CEP128: variants seen among roughly 807,000 people sequenced by gnomAD.
CEP128 encodes the protein centrosomal protein 128kDa.
A neutral mutation model predicts 156.7 loss-of-function variants in CEP128; 132 were observed. The ratio of observed to expected loss-of-function variants is 0.84; its 90% CI spans 0.73 to 0.97. The LOEUF (loss-of-function observed/expected upper bound fraction) is 0.97. CEP128 is among the 50% of genes least tolerant of loss of function. The pLI is 0.00. For synonymous variants in CEP128, 469 were observed against 448.9 expected, an observed-to-expected ratio of 1.04 and a Z score of -0.57; for missense variants, 1,252 against 1,281.9, an observed-to-expected ratio of 0.98 and a Z score of 0.36.
chr14:80,634,102 C>T (rs1894079648), intron 19 of CEP128, among the ~76,000 whole-genome samples: 1 of 152,164 alleles, frequency 6.6e-6, no homozygotes, highest in Non-Finnish European at 1.5e-5. Context: ...TGCTGCGTTA[C>T]TAAGTTTAGA....
intron 19 of CEP128, among the ~76,000 whole-genome samples, chr14:80,713,969 A>T (rs934801541): frequency 6.6e-6 from 1 of 152,154 alleles, no homozygotes; most frequent in East Asian, 1.9e-4. Flanking sequence ...TTCAGTATCT[A>T]GTGTTTCTCT....
At chr14:80,687,844 A>G (rs944927486) in intron 19 of CEP128, among the ~76,000 whole-genome samples, 5 of 152,180 alleles carry the variant, frequency 3.3e-5, no homozygotes, top group Non-Finnish European at 5.9e-5. Context: ...TGAATGCCTA[A>G]TCTTACCTGA....
chr14:80,586,320 T>G (rs1045718211), intron 19 of CEP128, among the ~76,000 whole-genome samples: 1 of 152,178 alleles, frequency 6.6e-6, no homozygotes, highest in African/African-American at 2.4e-5. Context: ...AAGCTCCAAA[T>G]TATCCTCACT....
intron 8 of CEP128, among the ~76,000 whole-genome samples, chr14:80,881,793 T>A (rs1218856604): frequency 2.0e-5 from 3 of 152,010 alleles, no homozygotes; most frequent in Admixed American, 1.3e-4. Context: ...ATGAGATACA[T>A]CATATAAACA....
At chr14:80,746,858 G>A (rs1398809758) in intron 18 of CEP128, among the ~76,000 whole-genome samples, 1 of 152,174 alleles carries the variant, frequency 6.6e-6, no homozygotes, top group Admixed American at 6.6e-5. Flanking sequence ...GGAATTACAT[G>A]TCAGATTCAT....
intron 1 of CEP128, 80 bp from the exon 2 acceptor site, chr14:80,939,620 C>T (rs1886036769): frequency 6.6e-6 from 1 of 152,138 alleles, no homozygotes; most frequent in African/African-American, 2.4e-5. Flanking sequence ...AAAATTAAGT[C>T]CCTATGTACA....
At chr14:80,644,020 C>T (rs909847898) in intron 19 of CEP128, among the ~76,000 whole-genome samples, 20 of 152,108 alleles carry the variant, frequency 1.3e-4, no homozygotes, top group African/African-American at 4.3e-4. Context: ...GAGATTTAGA[C>T]GCAAAGACAC....
chr14:80,685,245 A>T (rs1053590556), intron 19 of CEP128, among the ~76,000 whole-genome samples: 4 of 152,142 alleles, frequency 2.6e-5, no homozygotes, highest in African/African-American at 9.7e-5. Context: ...CCACTTGAGT[A>T]AAGTTTTGGG....
chr14:80,568,002 A>G (rs1416495431), intron 20 of CEP128, among the ~76,000 whole-genome samples: 2 of 152,208 alleles, frequency 1.3e-5, no homozygotes, highest in Non-Finnish European at 2.9e-5. Context: ...TCAATGGCAT[A>G]TGCCCTGAAC....
chr14:80,525,583 T>C (rs1888937337), intron 23 of CEP128, among the ~76,000 whole-genome samples: 1 of 152,206 alleles, frequency 6.6e-6, no homozygotes. Context: ...TGCTTGAGTT[T>C]GTAGGACTTG....
chr14:80,641,475 T>A (rs972101699), intron 19 of CEP128, among the ~76,000 whole-genome samples: 4 of 152,222 alleles, frequency 2.6e-5, no homozygotes, highest in Non-Finnish European at 4.4e-5. Context: ...CAACTACTGA[T>A]GTTGTATGGC....
Position 80,936,069 on chromosome 14 carries a change from T to C in CEP128, c.-16+3316A>G, listed in dbSNP as rs145137773. Reference sequence around the variant, plus strand: ...TCAGGAGTCCACCCTGCTCCAGCACTTCAGAGCAGGAGACAGAATCAAATG... The same window carrying C: ...TCAGGAGTCCACCCTGCTCCAGCACCTCAGAGCAGGAGACAGAATCAAATG... On this transcript the variant is annotated intron_variant, in intron 2 of 24. Transcript: ENST00000555265. 8.4e-3 allele frequency among the ~76,000 whole-genome samples: 1,274 copies of C among 152,316 alleles called. 12 individuals are homozygous for C. The highest frequency in any genetic ancestry group is 0.01 in the Non-Finnish European group (687 of 68,014).
chr14:80,874,617 A>AGTTT lies in CEP128; in HGVS notation c.646-11748_646-11745dup, dbSNP rs199997022. Among the ~76,000 whole-genome samples, 674 of 151,930 alleles carry AGTTT rather than the reference A, an allele frequency of 4.4e-3. 4 individuals carry two copies. The highest frequency in any genetic ancestry group is 3.0e-3 in the Non-Finnish European group (204 of 67,938). ...AAGCTAGAAAGAATATTTTAAATAT[A>AGTTT]GTTTGTTTGTTTGTTTCTGAGACGG... On this transcript the variant is annotated intron_variant, in intron 8 of 24. Transcript: ENST00000555265.
chr14:80,746,131 C>T (rs118014891), intron 18 of CEP128, among the ~76,000 whole-genome samples: 2,697 of 152,074 alleles, frequency 0.018, 44 homozygotes, highest in Non-Finnish European at 0.024. Context: ...GGATTGAAAG[C>T]GAATATTATT....
At position 80,522,586 on chromosome 14, in the gene CEP128, A is replaced by G. The variant is rs191884347; in HGVS notation, c.3072+4283T>C. Among the ~76,000 whole-genome samples the G allele has an allele frequency of 2.2e-3, 338 of 152,358 alleles. 3 individuals are homozygous for G. The highest frequency in any genetic ancestry group is 4.7e-3 in the Admixed American group (72 of 15,306). On this transcript the variant is annotated intron_variant, in intron 23 of 24. Coordinates refer to ENST00000555265, the MANE Select transcript of CEP128 (RefSeq NM_152446.5). ...GATGGGGAATAAACATGCCTTCTGC[A>G]ATTTTACTAAAAAATTCCAATGTTA...
intron 21 of CEP128, among the ~76,000 whole-genome samples, chr14:80,535,181 A>C (rs1889427444): frequency 6.6e-6 from 1 of 152,128 alleles, no homozygotes; most frequent in Non-Finnish European, 1.5e-5. Flanking sequence ...CCCTCACACC[A>C]CCATAAGAGA....
intron 13 of CEP128, among the ~76,000 whole-genome samples, chr14:80,801,456 T>C (rs541217740): frequency 3.9e-5 from 2 of 51,544 alleles, no homozygotes; most frequent in South Asian, 1.1e-3. Context: ...GAAGAGATGC[T>C]GAATTTTATC....
intron 13 of CEP128, chr14:80,830,505 A>G (rs536968038): frequency 1.0e-5 from 3 of 285,850 alleles, no homozygotes; most frequent in Non-Finnish European, 1.9e-5. Context: ...CATAATTGTA[A>G]TTTCAATTAA....
At chr14:80,585,634 G>A (rs990888262) in intron 19 of CEP128, among the ~76,000 whole-genome samples, 5 of 152,188 alleles carry the variant, frequency 3.3e-5, no homozygotes, top group Admixed American at 2.6e-4. Flanking sequence ...ACTGGACAGA[G>A]TAACATTGGC....
Sources: gnomAD v4.1 joint callset for allele counts (sites outside exome capture counted in the v4.1 genomes callset) on GRCh38, gnomAD v4.1.1 for gene constraint, MANE v1.5 for transcripts, NCBI Gene and HGNC (gene_info 2026-07-23, HGNC 2026-07-21) for gene names.